Variants in CDC42BPA observed in about 807,000 individuals in gnomAD.
The protein encoded by CDC42BPA is CDC42 binding protein kinase alpha.
In CDC42BPA, 80 loss-of-function variants were observed where a neutral mutation model predicts 223.5. The ratio of observed to expected loss-of-function variants is 0.36; its 90% CI spans 0.30 to 0.43. CDC42BPA has a LOEUF of 0.43. CDC42BPA is among the 20% of genes least tolerant of loss of function. The probability of loss-of-function intolerance (pLI) is 1.00; values close to 1 mark genes in which losing one functional copy is unlikely to be tolerated. For missense variants in CDC42BPA, 1,743 were observed against 2,099.9 expected, an observed-to-expected ratio of 0.83 and a Z score of 3.32; for synonymous variants, 694 against 718.6, an observed-to-expected ratio of 0.97 and a Z score of 0.55.
intron 21 of CDC42BPA, among the ~76,000 whole-genome samples, chr1:227,060,020 G>GTTTTTTTT (rs143944932): frequency 4.2e-5 from 4 of 94,190 alleles, no homozygotes; most frequent in East Asian, 3.7e-4. Context: ...ATCTCAAAAA[G>GTTTTTTTT]TTTTTTTTTG....
At position 226,995,110 on chromosome 1, in the gene CDC42BPA, G is replaced by A. The variant is rs979895204; in HGVS notation, c.4976-130C>T. 11 of 753,058 alleles carry A rather than the reference G, an allele frequency of 1.5e-5. No individual in the cohort carries two copies. In the African/African-American group the frequency reaches 1.9e-4, roughly 13 times the overall value. 46.6% of individuals were successfully genotyped at this position (753,058 alleles called of 1,614,324 possible). A position where few individuals can be genotyped will look rare whatever the true frequency, so the allele number is the denominator to read the frequency against. On this transcript the variant is annotated intron_variant, in intron 35 of 36. Coordinates refer to ENST00000366766, the MANE Select transcript of CDC42BPA (RefSeq NM_001394014.1). ...CCACTCCTCCCCTGAAGCGCAGTAA[G>A]TCCAACTGTAGTACCTTTGCCCTGA...
chr1:227,026,987 C>T (rs1397585481), intron 30 of CDC42BPA, among the ~76,000 whole-genome samples: 1 of 152,152 alleles, frequency 6.6e-6, no homozygotes, highest in Non-Finnish European at 1.5e-5. Flanking sequence ...GAGACAGGTT[C>T]TCGCTATGTT....
At chr1:227,186,025 G>A (rs78713340) in intron 5 of CDC42BPA, among the ~76,000 whole-genome samples, 3,174 of 152,276 alleles carry the variant, frequency 0.021, 125 homozygotes, top group African/African-American at 0.072. Context: ...TGGACAGACA[G>A]GTGGCTATGG....
chr1:227,222,599 A>G (rs1478991535), intron 2 of CDC42BPA, among the ~76,000 whole-genome samples: 1 of 152,212 alleles, frequency 6.6e-6, no homozygotes, highest in Non-Finnish European at 1.5e-5. Flanking sequence ...CCATACCTGG[A>G]AGGAAGGAAT....
chr1:227,205,385 T>C (rs1572350925), intron 3 of CDC42BPA, among the ~76,000 whole-genome samples: 2 of 150,910 alleles, frequency 1.3e-5, no homozygotes, highest in African/African-American at 2.4e-5. Context: ...ATTAAATACA[T>C]AGAAGTGAAA....
chr1:227,176,482 A>G (rs1666982750), intron 5 of CDC42BPA, among the ~76,000 whole-genome samples: 1 of 152,204 alleles, frequency 6.6e-6, no homozygotes, highest in African/African-American at 2.4e-5. Flanking sequence ...AACAGTTTGA[A>G]AAAAATTTTA....
At chr1:227,060,020 GT>G (rs143944932) in intron 21 of CDC42BPA, among the ~76,000 whole-genome samples, 4 of 94,192 alleles carry the variant, frequency 4.2e-5, no homozygotes, top group South Asian at 3.7e-4. Context: ...ATCTCAAAAA[GT>G]TTTTTTTTGT....
chr1:227,096,837 T>G (rs1373025629), intron 15 of CDC42BPA, among the ~76,000 whole-genome samples: 2 of 151,836 alleles, frequency 1.3e-5, no homozygotes, highest in Non-Finnish European at 2.9e-5. Context: ...TGTATTCAGC[T>G]GATGATCTCT....
Position 227,028,871 on chromosome 1 carries a change from G to A in CDC42BPA, c.4218C>T (p.Pro1406=), listed in dbSNP as rs1242355303. The part of the protein sequence containing the change: ...VGFQSGFLRY[P]LNGEGNPYSM... ...TGTATGGATTTCCTTCTCCATTCAA[G>A]GGGTATCTTAGAAATCCTGACTGGA... is the stretch of plus-strand genomic sequence containing the variant. Residue 1406 remains proline (P), a synonymous_variant, in exon 30 of 37, where the codon CCC becomes CCT. Transcript: ENST00000366766. 2 of 1,613,570 alleles carry A rather than the reference G, an allele frequency of 1.2e-6. No individual in the cohort carries two copies. The highest frequency in any genetic ancestry group is 2.7e-5 in the African/African-American group (2 of 74,938).
At position 227,216,428 on chromosome 1, in the gene CDC42BPA, A is replaced by G. The variant is rs190586653; in HGVS notation, c.271-3209T>C. 1.5e-3 allele frequency among the ~76,000 whole-genome samples: 234 copies of G among 152,362 alleles called. 2 individuals are homozygous for G. Among genetic ancestry groups the G allele is most frequent in the African/African-American group, 5.4e-3 (224 of 41,590 alleles). ...CAGGGTGGAAAACATTTTCAAACCT[A>G]TCTTATAACAGTTTCATGAGCTACC... On this transcript the variant is annotated intron_variant, in intron 2 of 36. Coordinates refer to ENST00000366766, the MANE Select transcript of CDC42BPA (RefSeq NM_001394014.1).
At chr1:227,201,690 C>A (rs1415677409) in intron 3 of CDC42BPA, among the ~76,000 whole-genome samples, 2 of 151,044 alleles carry the variant, frequency 1.3e-5, no homozygotes, top group Non-Finnish European at 3.0e-5. Flanking sequence ...TACACACACA[C>A]ACACAGATTA....
chr1:227,145,419 C>A (rs1660544556), intron 8 of CDC42BPA, 70 bp downstream of exon 8: 3 of 1,409,244 alleles, frequency 2.1e-6, no homozygotes, highest in African/African-American at 1.4e-5. Context: ...ACTTATAAAC[C>A]AAAAAATTAC....
intron 30 of CDC42BPA, among the ~76,000 whole-genome samples, chr1:227,027,144 G>T (rs752054065): frequency 3.9e-5 from 6 of 152,024 alleles, no homozygotes; most frequent in Non-Finnish European, 7.4e-5. Flanking sequence ...TAATTCCCAA[G>T]ATCTGCAGTT....
Position 226,994,074 on chromosome 1 carries a change from T to A in CDC42BPA, c.*194A>T, listed in dbSNP as rs1661084983. 1 of 543,380 alleles carries A rather than the reference T, an allele frequency of 1.8e-6. No individual in the cohort carries two copies. Among genetic ancestry groups the A allele is most frequent in the African/African-American group, 1.9e-5 (1 of 51,576 alleles). The allele number at this position is 543,380 out of a possible 1,614,324, so 33.7% of individuals were successfully genotyped here. On this transcript the variant is annotated 3_prime_UTR_variant, in exon 37 of 37. Coordinates refer to ENST00000366766, the MANE Select transcript of CDC42BPA (RefSeq NM_001394014.1). The surrounding 1 kb of genome is among the most constrained non-coding windows in gnomAD (Gnocchi z 4.0). ...AATCTAAGCTGCTACGGAAAGTCTG[T>A]CTTTGTTGTTGCTGTTAGGCTGGGG...
chr1:227,099,991 A>G (rs143633849), intron 15 of CDC42BPA, among the ~76,000 whole-genome samples: 1 of 152,186 alleles, frequency 6.6e-6, no homozygotes, highest in Non-Finnish European at 1.5e-5. Flanking sequence ...TGCGTCAGAT[A>G]TGGTAGGTTA....
intron 4 of CDC42BPA, among the ~76,000 whole-genome samples, chr1:227,196,939 ACT>A (rs1670859894): frequency 6.6e-6 from 1 of 152,206 alleles, no homozygotes; most frequent in South Asian, 2.1e-4. Context: ...TGTTGATATA[ACT>A]AAGCAGCTTT....
chr1:227,251,441 A>G (rs1315494671), intron 2 of CDC42BPA, among the ~76,000 whole-genome samples: 1 of 152,194 alleles, frequency 6.6e-6, no homozygotes, highest in Non-Finnish European at 1.5e-5. Flanking sequence ...TAGTAACATC[A>G]TTACATGTTA....
At position 226,990,026 on chromosome 1, in the gene CDC42BPA, CT is replaced by C. The variant is rs749408679; in HGVS notation, c.*4241del. The C allele has an allele frequency of 7.1e-3, 1,086 of 152,686 alleles. 1 individual carries two copies. Among genetic ancestry groups the C allele is most frequent in the Middle Eastern group, 0.017 (5 of 294 alleles). The allele number at this position is 152,686 out of a possible 1,614,324, so 9.5% of individuals were successfully genotyped here. Reference sequence around the variant, plus strand: ...ATCATTGTTTGGTAGCAGAGGATCTCTTAAAAAGTTCCCTAAGACACTGAGG... The same window carrying C: ...ATCATTGTTTGGTAGCAGAGGATCTCTAAAAAGTTCCCTAAGACACTGAGG... On this transcript the variant is annotated 3_prime_UTR_variant, in exon 37 of 37. Coordinates refer to ENST00000366766, the MANE Select transcript of CDC42BPA (RefSeq NM_001394014.1).
chr1:227,018,475 C>T (rs1666735209), intron 32 of CDC42BPA, among the ~76,000 whole-genome samples: 1 of 152,152 alleles, frequency 6.6e-6, no homozygotes, highest in East Asian at 1.9e-4. Flanking sequence ...TCCCTCTTCT[C>T]CAAGATCTAC....
Sources: allele counts gnomAD v4.1 joint callset (sites outside exome capture counted in the v4.1 genomes callset), GRCh38; gene constraint gnomAD v4.1.1; non-coding constraint Gnocchi (gnomAD v3.1); transcripts MANE v1.5; gene names NCBI Gene and HGNC (gene_info 2026-07-23, HGNC 2026-07-21).